Variants in SEMA5A observed in about 807,000 individuals in gnomAD.
SEMA5A encodes semaphorin-5A.
Under a neutral mutation model 135.5 loss-of-function variants are expected in SEMA5A, and 55 were observed. The observed-to-expected ratio is 0.41, with a 90% confidence interval of 0.33 to 0.51. The LOEUF (loss-of-function observed/expected upper bound fraction) is 0.51, where lower values mean the gene tolerates loss of function less well. Among genes scored for constraint, SEMA5A ranks in the 20% least tolerant of loss-of-function variants. The pLI, the probability that SEMA5A is intolerant of heterozygous loss-of-function variation, is 0.37. For missense variants in SEMA5A, 1,290 were observed against 1,419.9 expected (o/e 0.91, Z 1.47); for synonymous variants, 580 against 546.5 (o/e 1.06, Z -0.85).
intron 1 of SEMA5A, among the ~76,000 whole-genome samples, chr5:9,458,100 G>T (rs1307911425): frequency 6.6e-6 from 1 of 151,862 alleles, no homozygotes; most frequent in African/African-American, 2.4e-5. Flanking sequence ...GTAGAGACGG[G>T]ATCTCACCGT....
intron 5 of SEMA5A, among the ~76,000 whole-genome samples, chr5:9,307,830 G>A (rs534410327): frequency 6.6e-6 from 1 of 152,262 alleles, no homozygotes; most frequent in African/African-American, 2.4e-5. Flanking sequence ...GTGATTGTCA[G>A]ACAGTGTTTG....
chr5:9,117,669 A>G (rs958938356), intron 15 of SEMA5A, among the ~76,000 whole-genome samples: 4 of 152,196 alleles, frequency 2.6e-5, no homozygotes, highest in Non-Finnish European at 5.9e-5. Flanking sequence ...CTGCTAGAAA[A>G]GTTTTGGATT....
At chr5:9,346,926 A>G (rs1467143056) in intron 3 of SEMA5A, among the ~76,000 whole-genome samples, 3 of 151,856 alleles carry the variant, frequency 2.0e-5, no homozygotes, top group Non-Finnish European at 4.4e-5. Context: ...ATATATATAT[A>G]TATGTATTTG....
intron 16 of SEMA5A, among the ~76,000 whole-genome samples, chr5:9,094,063 T>C (rs1443148913): frequency 6.6e-6 from 1 of 152,242 alleles, no homozygotes; most frequent in Non-Finnish European, 1.5e-5. Context: ...TATTACTTCG[T>C]TATTATTTAG....
At chr5:9,300,954 T>C (rs10462865) in intron 5 of SEMA5A, among the ~76,000 whole-genome samples, 103,089 of 152,064 alleles carry the variant, frequency 0.68, 38,062 homozygotes, top group Non-Finnish European at 0.83. Context: ...TCCAGCACTG[T>C]AAAAGGATAG....
At chr5:9,521,951 C>T (rs459789) in intron 1 of SEMA5A, among the ~76,000 whole-genome samples, 47,163 of 151,928 alleles carry the variant, frequency 0.31, 7,385 homozygotes, top group East Asian at 0.41. Context: ...CCCTCCCTCT[C>T]TTTAGGGGTC....
intron 1 of SEMA5A, among the ~76,000 whole-genome samples, chr5:9,544,905 A>G (rs1738297473): frequency 6.6e-6 from 1 of 152,020 alleles, no homozygotes; most frequent in Non-Finnish European, 1.5e-5. Flanking sequence ...TCTGCCCGAA[A>G]CCCTGGGGTC....
At chr5:9,380,385 C>A (rs1357999170) in intron 2 of SEMA5A, among the ~76,000 whole-genome samples, 1 of 152,170 alleles carries the variant, frequency 6.6e-6, no homozygotes, top group African/African-American at 2.4e-5. Flanking sequence ...TGTCCTAACC[C>A]CTTGCGCAAA....
At chr5:9,076,169 C>T (rs181706941) in intron 16 of SEMA5A, among the ~76,000 whole-genome samples, 16 of 143,308 alleles carry the variant, frequency 1.1e-4, no homozygotes, top group African/African-American at 4.2e-4. Context: ...CGCACCACTG[C>T]ACTCCAACCT....
chr5:9,211,450 C>G (rs771939301), intron 8 of SEMA5A, among the ~76,000 whole-genome samples: 2 of 152,126 alleles, frequency 1.3e-5, no homozygotes, highest in Non-Finnish European at 2.9e-5. Context: ...CCAGCTGTAG[C>G]GAATCTTGTC....
At chr5:9,136,699 C>T (rs1203556491) in intron 12 of SEMA5A, 78 bp from the exon 13 acceptor site, 8 of 1,163,500 alleles carry the variant, frequency 6.9e-6, no homozygotes, top group Non-Finnish European at 1.0e-5. Flanking sequence ...CGAACCTGTC[C>T]CTTGGCAGAG....
At chr5:9,275,659 G>C (rs1304425969) in intron 5 of SEMA5A, among the ~76,000 whole-genome samples, 1 of 152,174 alleles carries the variant, frequency 6.6e-6, no homozygotes, top group Non-Finnish European at 1.5e-5. Context: ...CTTCATCCCA[G>C]GGATGCAGTC....
chr5:9,301,751 G>A (rs371696479), intron 5 of SEMA5A, among the ~76,000 whole-genome samples: 1 of 152,090 alleles, frequency 6.6e-6, no homozygotes, highest in African/African-American at 2.4e-5. Context: ...CTCTTGTTGG[G>A]CTTCCTGGGA....
At chr5:9,089,262 C>T (rs756515171) in intron 16 of SEMA5A, among the ~76,000 whole-genome samples, 19 of 152,182 alleles carry the variant, frequency 1.2e-4, no homozygotes, top group African/African-American at 3.4e-4. Context: ...AGAAAACAAG[C>T]GGCCATCCCT....
At chr5:9,356,454 C>A (rs1308371850) in intron 3 of SEMA5A, among the ~76,000 whole-genome samples, 1 of 152,058 alleles carries the variant, frequency 6.6e-6, no homozygotes. Context: ...AGTGGGCCAA[C>A]TTGTAGACAC....
intron 12 of SEMA5A, among the ~76,000 whole-genome samples, chr5:9,145,155 G>T (rs890016202): frequency 6.6e-6 from 1 of 152,082 alleles, no homozygotes; most frequent in Non-Finnish European, 1.5e-5. Context: ...CCACTCACAG[G>T]CAATGCCAGC....
intron 4 of SEMA5A, among the ~76,000 whole-genome samples, chr5:9,328,097 A>G (rs950776513): frequency 2.0e-5 from 3 of 152,124 alleles, no homozygotes; most frequent in African/African-American, 7.2e-5. Flanking sequence ...ATCCTCCCAT[A>G]TGCTCTATCC....
At chr5:9,277,207 G>GA (rs1228518174) in intron 5 of SEMA5A, among the ~76,000 whole-genome samples, 1 of 152,024 alleles carries the variant, frequency 6.6e-6, no homozygotes, top group Non-Finnish European at 1.5e-5. Context: ...ACAAACATAT[G>GA]AAAAAAATGC....
chr5:9,128,618 C>T (rs1399982291), intron 13 of SEMA5A, among the ~76,000 whole-genome samples: 2 of 152,106 alleles, frequency 1.3e-5, no homozygotes, highest in East Asian at 1.9e-4. Context: ...TAATTAGGCC[C>T]TATTCACAGG....
Sources: allele counts gnomAD v4.1 joint callset (sites outside exome capture counted in the v4.1 genomes callset), GRCh38; gene constraint gnomAD v4.1.1; transcripts MANE v1.5; gene names NCBI Gene and HGNC (gene_info 2026-07-23, HGNC 2026-07-21).